DCUN1D4: variants seen among roughly 807,000 people sequenced by gnomAD.
DCUN1D4 encodes the protein DCN1-like protein 4.
Under a neutral mutation model 47.9 loss-of-function variants are expected in DCUN1D4, and 22 were observed. The ratio of observed to expected loss-of-function variants is 0.46; its 90% CI spans 0.33 to 0.66. The LOEUF is 0.66. Ranked by LOEUF, DCUN1D4 falls within the 30% of genes least tolerant of loss-of-function variation. The pLI, the probability that DCUN1D4 is intolerant of heterozygous loss-of-function variation, is 0.02. For synonymous variants in DCUN1D4, 121 were observed against 112.2 expected, an observed-to-expected ratio of 1.08 and a Z score of -0.50; for missense variants, 301 against 340.8, an observed-to-expected ratio of 0.88 and a Z score of 0.92.
intron 8 of DCUN1D4, among the ~76,000 whole-genome samples, chr4:51,910,025 A>T (rs921353744): frequency 2.0e-5 from 3 of 152,312 alleles, no homozygotes; most frequent in African/African-American, 7.2e-5. Flanking sequence ...ATGGCTGCAT[A>T]TGTGGCTTAG....
chr4:51,852,441 G>C (rs940976310), intron 1 of DCUN1D4, among the ~76,000 whole-genome samples: 4 of 152,150 alleles, frequency 2.6e-5, no homozygotes, highest in Non-Finnish European at 5.9e-5. Flanking sequence ...GTTAGGGTAA[G>C]TTTAATGTCT....
At chr4:51,909,629 T>C (rs1027349686) in intron 8 of DCUN1D4, among the ~76,000 whole-genome samples, 2 of 152,144 alleles carry the variant, frequency 1.3e-5, no homozygotes, top group Non-Finnish European at 2.9e-5. Context: ...ACAATACATA[T>C]GGCCAAGGGA....
At position 51,916,244 on chromosome 4, in the gene DCUN1D4, A is replaced by G. The variant is rs1356922500; in HGVS notation, c.*2660A>G. On this transcript the variant is annotated 3_prime_UTR_variant, in exon 11 of 11. Coordinates refer to ENST00000334635, the MANE Select transcript of DCUN1D4 (RefSeq NM_001040402.3). ...ATGTTTACTGCTGAAGTAGGTCAGA[A>G]ATTGTATTATTTGATTTGCCTCAAA... is the stretch of plus-strand genomic sequence containing the variant. 4 of 152,142 alleles carry G rather than the reference A, an allele frequency of 2.6e-5. No homozygotes were observed. The South Asian group carries it at 8.3e-4, about 31-fold the overall frequency. The allele number at this position is 152,142 out of a possible 1,614,324, so 9.4% of individuals were successfully genotyped here. A position where few individuals can be genotyped will look rare whatever the true frequency, so the allele number is the denominator to read the frequency against.
At chr4:51,871,596 C>T (rs909685888) in intron 3 of DCUN1D4, among the ~76,000 whole-genome samples, 3 of 152,134 alleles carry the variant, frequency 2.0e-5, no homozygotes, top group African/African-American at 4.8e-5. Flanking sequence ...AGAACCAAAC[C>T]GTGACTGCTA....
chr4:51,837,061 C>A, the DCUN1D4 span, among the ~76,000 whole-genome samples: 1 of 152,170 alleles, frequency 6.6e-6, no homozygotes, highest in South Asian at 2.1e-4. Flanking sequence ...ATGAAAAACA[C>A]CATAAAGGTC....
chr4:51,848,902 A>G (rs979641942), intron 1 of DCUN1D4, among the ~76,000 whole-genome samples: 1 of 152,186 alleles, frequency 6.6e-6, no homozygotes, highest in Non-Finnish European at 1.5e-5. Flanking sequence ...CCCTCTTCAA[A>G]TAGCATTACC....
At chr4:51,870,259 G>A (rs961326106) in intron 3 of DCUN1D4, among the ~76,000 whole-genome samples, 10 of 152,012 alleles carry the variant, frequency 6.6e-5, no homozygotes, top group Non-Finnish European at 1.2e-4. Flanking sequence ...TTGTAAGTCG[G>A]TGAAGTCTAA....
chr4:51,834,562 C>T, the DCUN1D4 span, among the ~76,000 whole-genome samples: 2 of 152,154 alleles, frequency 1.3e-5, no homozygotes, highest in Admixed American at 6.5e-5. Flanking sequence ...TCCTTCTCCA[C>T]GGCTTTCCTC....
At chr4:51,844,216 AG>A (rs912889085) in intron 1 of DCUN1D4, among the ~76,000 whole-genome samples, 1 of 126,436 alleles carries the variant, frequency 7.9e-6, no homozygotes, top group African/African-American at 3.1e-5. Flanking sequence ...AGCCGGGCTA[AG>A]GGGGTGTCAG....
chr4:51,861,541 A>C (rs1445052455), intron 1 of DCUN1D4, among the ~76,000 whole-genome samples: 6 of 152,230 alleles, frequency 3.9e-5, no homozygotes, highest in Non-Finnish European at 7.3e-5. Flanking sequence ...TTTAATTAAC[A>C]GCAGGGTGGT....
At chr4:51,876,549 C>T (rs1173391395) in intron 4 of DCUN1D4, among the ~76,000 whole-genome samples, 1 of 152,014 alleles carries the variant, frequency 6.6e-6, no homozygotes, top group East Asian at 1.9e-4. Flanking sequence ...TGCACATGTA[C>T]CCTAAAACTT....
chr4:51,859,147 A>T (rs188823840), intron 1 of DCUN1D4, among the ~76,000 whole-genome samples: 3 of 152,266 alleles, frequency 2.0e-5, no homozygotes, highest in Non-Finnish European at 4.4e-5. Flanking sequence ...TTTTGATTGC[A>T]TTAATTTGTG....
intron 8 of DCUN1D4, chr4:51,908,823 A>G (rs1369386643): frequency 2.2e-6 from 1 of 449,522 alleles, no homozygotes; most frequent in Non-Finnish European, 4.5e-6. Context: ...TCATTTGCAC[A>G]TAGCCACAAG....
At chr4:51,852,824 T>C (rs919545910) in intron 1 of DCUN1D4, among the ~76,000 whole-genome samples, 2 of 152,196 alleles carry the variant, frequency 1.3e-5, no homozygotes, top group African/African-American at 4.8e-5. Context: ...TTTGGAAGCA[T>C]GTACAGGGTC....
At chr4:51,843,297 G>T in intron 1 of DCUN1D4, 30 bp downstream of exon 1, 1 of 1,509,840 alleles carries the variant, frequency 6.6e-7, no homozygotes. Context: ...CCAGCGGGCC[G>T]GGGCCGGGCG....
intron 9 of DCUN1D4, among the ~76,000 whole-genome samples, chr4:51,912,466 T>G (rs1220616222): frequency 6.6e-6 from 1 of 152,230 alleles, no homozygotes; most frequent in East Asian, 1.9e-4. Context: ...TCAGCTTTTC[T>G]TGTGTTTGCA....
intron 5 of DCUN1D4, 64 bp from the exon 6 acceptor site, chr4:51,886,504 A>G (rs1250637212): frequency 2.8e-6 from 4 of 1,423,784 alleles, no homozygotes; most frequent in Non-Finnish European, 3.9e-6. Context: ...GTATAATACT[A>G]CTACAGTGGT....
rs1374052850 is a variant in DCUN1D4 at position 51,913,618 on chromosome 4, A to G, written c.*34A>G. ...GCATAGCAGCGAGAGAGTCACTGTT[A>G]CCACAGTTTTGTCACCCATTAGCCA... On this transcript the variant is annotated 3_prime_UTR_variant, in exon 11 of 11. Coordinates refer to ENST00000334635, the MANE Select transcript of DCUN1D4 (RefSeq NM_001040402.3). 1 of 1,598,244 alleles carries G rather than the reference A, an allele frequency of 6.3e-7. No homozygotes were observed. The highest frequency in any genetic ancestry group is 1.1e-5 in the South Asian group (1 of 89,616).
At chr4:51,866,507 C>T (rs993878427) in intron 3 of DCUN1D4, among the ~76,000 whole-genome samples, 4 of 152,092 alleles carry the variant, frequency 2.6e-5, no homozygotes, top group Non-Finnish European at 5.9e-5. Context: ...TATAAAGCAT[C>T]TGCTTTCTTT....
Sources: gnomAD v4.1 joint callset for allele counts (sites outside exome capture counted in the v4.1 genomes callset) on GRCh38, gnomAD v4.1.1 for gene constraint, MANE v1.5 for transcripts, NCBI Gene and HGNC (gene_info 2026-07-23, HGNC 2026-07-21) for gene names.